Variants in KIR3DL1 observed in about 807,000 individuals in gnomAD.
KIR3DL1 encodes the protein killer cell immunoglobulin like receptor, three Ig domains and long cytoplasmic tail 1.
A neutral mutation model predicts 40.3 loss-of-function variants in KIR3DL1; 50 were observed. The ratio of observed to expected loss-of-function variants is 1.24; its 90% CI spans 0.99 to 1.57. The LOEUF (loss-of-function observed/expected upper bound fraction) is 1.57, where lower values mean the gene tolerates loss of function less well. Among genes scored for constraint, KIR3DL1 ranks in the 40% most tolerant of loss-of-function variants. The pLI is 0.00. For missense variants in KIR3DL1, 661 were observed against 559.9 expected, an observed-to-expected ratio of 1.18 and a Z score of -1.82; for synonymous variants, 257 against 207.2, an observed-to-expected ratio of 1.24 and a Z score of -2.07.
intron 1 of KIR3DL1, among the ~76,000 whole-genome samples, chr19:54,817,201 G>T (rs1328650347): frequency 2.1e-5 from 3 of 146,004 alleles, no homozygotes; most frequent in African/African-American, 7.7e-5. Context: ...GGATATATGA[G>T]CCTGGAGTTG....
chr19:54,821,649 G>A lies in KIR3DL1; in HGVS notation c.740G>A (p.Arg247Gln), dbSNP rs200594305. 2,452 of 1,609,682 alleles carry A rather than the reference G, an allele frequency of 1.5e-3. 24 individuals are homozygous for A. The highest frequency in any genetic ancestry group is 1.9e-3 in the Non-Finnish European group (2,247 of 1,177,990). ...AGCGTGACCTTGTCCTGTAGCTCCC[G>A]GAGCTCCTATGACATGTACCATCTA... The change falls in exon 5 of 9, where the codon CGG becomes CAG. Residue 247 changes from arginine (R) to glutamine (Q), a missense_variant. This residue lies in a region of KIR3DL1 where 548 missense variants were observed against 413.3 expected (regional missense o/e 1.33). Coordinates refer to ENST00000391728, the Ensembl canonical transcript of KIR3DL1.
Position 54,818,953 on chromosome 19 carries a change from G to A in KIR3DL1, c.355+354G>A, listed in dbSNP as rs375240278. Among the ~76,000 whole-genome samples the A allele has an allele frequency of 4.3e-4, 65 of 150,630 alleles. 9 individuals carry two copies. The South Asian group carries it at 0.012, about 29-fold the overall frequency. On this transcript the variant is annotated intron_variant, in intron 3 of 8. Transcript: ENST00000391728. Reference sequence around the variant, plus strand: ...ATGAGAGGTGGAGGAAGAGGGGAGTGGGGATTAGAGCAGTGTAGTGGGAGG... The same window carrying A: ...ATGAGAGGTGGAGGAAGAGGGGAGTAGGGATTAGAGCAGTGTAGTGGGAGG...
chr19:54,830,173 C>A, exon 9 of KIR3DL1: 1 of 1,524,418 alleles, frequency 6.6e-7, no homozygotes, highest in Non-Finnish European at 8.9e-7. Flanking sequence ...AGAGAAAAAT[C>A]ACTCGCCCTT....
intron 6 of KIR3DL1, among the ~76,000 whole-genome samples, chr19:54,826,095 A>G (rs1364370559): frequency 6.6e-6 from 1 of 150,880 alleles, no homozygotes; most frequent in African/African-American, 2.5e-5. Context: ...TCCATGTAAA[A>G]TAAGATATTC....
exon 9 of KIR3DL1, chr19:54,830,597 T>G: frequency 2.7e-6 from 1 of 371,448 alleles, no homozygotes; most frequent in Non-Finnish European, 4.9e-6. Context: ...GAACTCACAA[T>G]TCCAAACATA....
intron 5 of KIR3DL1, among the ~76,000 whole-genome samples, chr19:54,822,743 G>T (rs368863055): frequency 0.14 from 20,275 of 145,450 alleles, 1,858 homozygotes; most frequent in Middle Eastern, 0.18. Context: ...TTTATCTCCT[G>T]CATGTGGGTG....
At chr19:54,821,684 G>A (rs1049215) in exon 5 of KIR3DL1, 26 of 1,609,518 alleles carry the variant, frequency 1.6e-5, no homozygotes, top group South Asian at 8.8e-5. Context: ...ATCCAGGGAG[G>A]GGGGAGCCCA....
intron 4 of KIR3DL1, among the ~76,000 whole-genome samples, chr19:54,821,142 C>T (rs1350606441): frequency 6.7e-6 from 1 of 149,154 alleles, no homozygotes; most frequent in Non-Finnish European, 1.5e-5. Flanking sequence ...GATAGATAGA[C>T]AGACAGACAA....
At chr19:54,820,109 G>C in intron 4 of KIR3DL1, 97 bp downstream of exon 4, 1 of 1,316,312 alleles carries the variant, frequency 7.6e-7, no homozygotes, top group South Asian at 1.3e-5. Context: ...AGATAAGTGT[G>C]GGATTCTTAT....
At chr19:54,828,007 G>A (rs1370966999) in intron 6 of KIR3DL1, among the ~76,000 whole-genome samples, 1 of 150,492 alleles carries the variant, frequency 6.6e-6, no homozygotes, top group Non-Finnish European at 1.5e-5. Flanking sequence ...ATCAGTGCCA[G>A]CACTAGCTCC....
intron 2 of KIR3DL1, among the ~76,000 whole-genome samples, chr19:54,817,998 T>C (rs2061434244): frequency 6.7e-6 from 1 of 149,066 alleles, no homozygotes. Flanking sequence ...GGGGGCTCAG[T>C]TCATCAATTG....
intron 2 of KIR3DL1, 63 bp downstream of exon 2, chr19:54,817,632 G>T: frequency 1.5e-6 from 2 of 1,352,136 alleles, no homozygotes; most frequent in South Asian, 1.2e-5. Flanking sequence ...CCTGAAATGG[G>T]AGGGAAGTCC....
At position 54,821,801 on chromosome 19, in the gene KIR3DL1, C is replaced by T. The variant is rs112366565; in HGVS notation, c.892C>T (p.Arg298Cys). 2.6e-3 allele frequency: 4,149 copies of T among 1,605,500 alleles called. 246 individuals carry two copies. In the African/African-American group the frequency reaches 0.049, roughly 19 times the overall value. Residue 298 changes from arginine to cysteine, a missense_variant, in exon 5 of 9, where the codon CGT becomes TGT. By Grantham distance (180) the Arg-to-Cys change is radical (BLOSUM62 -3). Around this residue, in one of 3 missense-constraint regions of KIR3DL1, gnomAD observed 548 missense variants for 413.3 expected, o/e 1.33. Transcript: ENST00000391728. ...GACCTACAGATGCTTCGGCTCTTTC[C>T]GTCACTCTCCCTACGAGTGGTCAGA...
intron 6 of KIR3DL1, among the ~76,000 whole-genome samples, chr19:54,825,729 C>T (rs2061850802): frequency 6.9e-6 from 1 of 145,152 alleles, no homozygotes; most frequent in African/African-American, 2.5e-5. Context: ...GGGCTAAAAT[C>T]AAGGTGACAG....
chr19:54,819,749 G>A, exon 4 of KIR3DL1: 1 of 1,610,102 alleles, frequency 6.2e-7, no homozygotes, highest in Non-Finnish European at 8.5e-7. Flanking sequence ...GCCCACCCAG[G>A]TCCCCTGGTG....
rs564569361 is a variant in KIR3DL1 at position 54,828,941 on chromosome 19, G to C, written c.1001-420G>C. Among the ~76,000 whole-genome samples, 98 of 141,192 alleles carry C rather than the reference G, an allele frequency of 6.9e-4. 12 individuals are homozygous for C. Among genetic ancestry groups the C allele is most frequent in the African/African-American group, 2.4e-3 (93 of 39,474 alleles). The allele number at this position is 141,192 out of a possible 152,430, so 92.6% of individuals were successfully genotyped here. A position where few individuals can be genotyped will look rare whatever the true frequency, so the allele number is the denominator to read the frequency against. On this transcript the variant is annotated intron_variant, in intron 6 of 8. Transcript: ENST00000391728. The stretch of plus-strand genomic sequence containing the variant: ...GATCACACGGCAAGAGAGGGAGCAA[G>C]GGGGAGGGGGAGCAATGGAGCTTCC...
chr19:54,825,650 G>C (rs1288361076), intron 6 of KIR3DL1, among the ~76,000 whole-genome samples: 1 of 150,164 alleles, frequency 6.7e-6, no homozygotes, highest in Admixed American at 6.6e-5. Flanking sequence ...CAAGATTCGT[G>C]GGTGAAAACA....
In KIR3DL1 at chr19:54,828,921, C is replaced by T. The variant is rs1209510905; in HGVS notation, c.1001-440C>T. On this transcript the variant is annotated intron_variant, in intron 6 of 8. Coordinates refer to ENST00000391728, the Ensembl canonical transcript of KIR3DL1. ...GTCTGTGCAGAGACCACAGAGATCACACGGCAAGAGAGGGAGCAAGGGGGA... is the reference window on the plus strand; with the variant it reads ...GTCTGTGCAGAGACCACAGAGATCATACGGCAAGAGAGGGAGCAAGGGGGA... 1.4e-5 allele frequency among the ~76,000 whole-genome samples: 2 copies of T among 141,536 alleles called. 1 individual carries two copies. The highest frequency in any genetic ancestry group is 5.1e-5 in the African/African-American group (2 of 39,450). 92.9% of individuals were successfully genotyped at this position (141,536 alleles called of 152,430 possible).
At chr19:54,828,071 T>G (rs1046692978) in intron 6 of KIR3DL1, among the ~76,000 whole-genome samples, 4 of 150,674 alleles carry the variant, frequency 2.7e-5, no homozygotes, top group African/African-American at 4.9e-5. Flanking sequence ...AAGCAATAGA[T>G]AGTCGAGGGG....
Sources: allele counts gnomAD v4.1 joint callset (sites outside exome capture counted in the v4.1 genomes callset), GRCh38; gene constraint gnomAD v4.1.1; regional missense constraint gnomAD v4.1.1; transcripts MANE v1.5; gene names NCBI Gene and HGNC (gene_info 2026-07-23, HGNC 2026-07-21).